Variants in SOS2 observed in about 807,000 individuals in gnomAD.
SOS2 encodes the protein son of sevenless homolog 2.
In SOS2, 65 loss-of-function variants were observed where a neutral mutation model predicts 148.2. That is an observed-to-expected ratio of 0.44 (90% confidence interval 0.36 to 0.54). SOS2 has a LOEUF of 0.54. Among genes scored for constraint, SOS2 ranks in the 20% least tolerant of loss-of-function variants. The pLI, the probability that SOS2 is intolerant of heterozygous loss-of-function variation, is 0.00. For missense variants in SOS2, 1,341 were observed against 1,590.2 expected (o/e 0.84, Z 2.67); for synonymous variants, 539 against 537.1 (o/e 1.00, Z -0.05).
chr14:50,178,613 G>A (rs1260341362), intron 7 of SOS2, among the ~76,000 whole-genome samples: 1 of 149,028 alleles, frequency 6.7e-6, no homozygotes, highest in Non-Finnish European at 1.5e-5. Context: ...CTCTGTAGTA[G>A]CTAGAACTAC....
chr14:50,179,807 A>G (rs1885672816), intron 7 of SOS2, among the ~76,000 whole-genome samples: 2 of 152,150 alleles, frequency 1.3e-5, no homozygotes, highest in African/African-American at 4.8e-5. Context: ...ATCTAAGTGT[A>G]TTCCTGAACC....
intron 1 of SOS2, among the ~76,000 whole-genome samples, chr14:50,226,218 G>A (rs1332825783): frequency 6.6e-6 from 1 of 152,166 alleles, no homozygotes; most frequent in Non-Finnish European, 1.5e-5. Context: ...CAAGGTGGGA[G>A]GATCGCTTGA....
intron 18 of SOS2, 44 bp downstream of exon 18, chr14:50,138,568 C>A: frequency 2.0e-6 from 2 of 978,548 alleles, no homozygotes; most frequent in Non-Finnish European, 1.5e-6. Context: ...TTTTGGTACC[C>A]ATTAACACGT....
chr14:50,131,291 AAC>A (rs1490095523), intron 19 of SOS2, among the ~76,000 whole-genome samples: 2 of 152,186 alleles, frequency 1.3e-5, no homozygotes, highest in African/African-American at 4.8e-5. Flanking sequence ...TCAAATAAAA[AAC>A]ACAGAACTCA....
upstream of SOS2, among the ~76,000 whole-genome samples, chr14:50,231,765 C>G (rs1421626304): frequency 1.3e-5 from 2 of 152,054 alleles, no homozygotes; most frequent in South Asian, 2.1e-4. Flanking sequence ...CCTGCCCACT[C>G]GAGTCACCTC....
chr14:50,206,207 C>A (rs1886654551), intron 1 of SOS2, among the ~76,000 whole-genome samples: 1 of 152,246 alleles, frequency 6.6e-6, no homozygotes, highest in Non-Finnish European at 1.5e-5. Context: ...ATACTTTGCT[C>A]ATTTTTGTCA....
intron 8 of SOS2, among the ~76,000 whole-genome samples, chr14:50,167,865 C>T (rs905504914): frequency 2.0e-4 from 29 of 148,310 alleles, no homozygotes; most frequent in African/African-American, 7.2e-4. Context: ...GAGACTCTGT[C>T]TCAAAAAAAA....
chr14:50,204,492 T>A, intron 1 of SOS2, 83 bp from the exon 2 acceptor site: 1 of 804,386 alleles, frequency 1.2e-6, no homozygotes, highest in South Asian at 1.8e-5. Flanking sequence ...TATATAATAT[T>A]TTACTATAAT....
In SOS2 at chr14:50,158,641, T is replaced by C. The variant is rs1884894170; in HGVS notation, c.1858A>G (p.Asn620Asp). ...RLTYHMYADP[N>D]FVRTFLTTYR... is the part of the protein sequence containing the mutation. ...GTGGTAAGAAAAGTACGAACAAAAT[T>C]GGGATCTGAAAAGGCAGAGCATAAA... The change falls in exon 11 of 23, where the codon AAT (asparagine) becomes GAT (aspartate). Residue 620 changes from asparagine (N) to aspartate (D), a missense_variant. Physicochemically the swap from Asn to Asp is conservative, Grantham distance 23. Around this residue, in one of 4 missense-constraint regions of SOS2, gnomAD observed 408 missense variants for 506.6 expected, o/e 0.81. Transcript: ENST00000216373. 1 of 1,600,794 alleles carries C rather than the reference T, an allele frequency of 6.2e-7. No individual in the cohort carries two copies.
In SOS2 at chr14:50,120,990, G is replaced by A. The variant is rs920144214; in HGVS notation, c.3380-606C>T. ...CCTGACCTTGTGATCCGCCCACCTC[G>A]GCCTCCCAAAGTGCTAGGATTACAG... On this transcript the variant is annotated intron_variant, in intron 21 of 22. Transcript: ENST00000216373. Among the ~76,000 whole-genome samples the A allele has an allele frequency of 5.9e-5, 9 of 151,982 alleles. No homozygotes were observed. The South Asian group carries it at 8.3e-4, about 14-fold the overall frequency.
chr14:50,146,469 C>T (rs1361983567), intron 14 of SOS2, among the ~76,000 whole-genome samples: 1 of 152,040 alleles, frequency 6.6e-6, no homozygotes, highest in Non-Finnish European at 1.5e-5. Flanking sequence ...CAAGGCGAAA[C>T]CCCATCTCTA....
At position 50,201,219 on chromosome 14, in the gene SOS2, TAA is replaced by T. The variant is rs1417610969; in HGVS notation, c.214-137_214-136del. 4.2e-5 allele frequency: 35 copies of T among 834,720 alleles called. No homozygotes were observed. The African/African-American group carries it at 5.7e-4, about 14-fold the overall frequency. The allele number at this position is 834,720 out of a possible 1,614,324, so 51.7% of individuals were successfully genotyped here. ...ACACAATACATTCTGATTCCTGTAA[TAA>T]ATAAATTTTTTGGCTTAAAAAAAAG... On this transcript the variant is annotated intron_variant, in intron 2 of 22. Transcript: ENST00000216373.
rs542617984 is a variant in SOS2 at position 50,182,484 on chromosome 14, G to A, written c.837C>T (p.Ser279=). Residue 279 remains serine (S), a synonymous_variant, in exon 6 of 23, where the codon AGC becomes AGT. Coordinates refer to ENST00000216373, the MANE Select transcript of SOS2 (RefSeq NM_006939.4). ...TTACTTCTGCCAAATCTTCAAAACA[G>A]CTGCCAGCTAAGGGATGAGGACTGC... ...DESSPHPLAG[S]CFEDLAEEQA... 6.6e-5 allele frequency: 106 copies of A among 1,613,926 alleles called. No homozygotes were observed. Among genetic ancestry groups the A allele is most frequent in the Admixed American group, 8.3e-5 (5 of 60,002 alleles).
Position 50,138,670 on chromosome 14 carries a change from C to T in SOS2, c.2900G>A (p.Gly967Glu). Reference protein sequence around the residue: ...SKRRKVAEITGEIQQYQNQPY... With the variant: ...SKRRKVAEITEEIQQYQNQPY... ...CTGATTCTGATACTGCTGAATTTCT[C>T]CAGTAATTTCAGCTACTTTCCTCCT... The change falls in exon 18 of 23, where the codon GGA (glycine) becomes GAA (glutamate). Residue 967 changes from glycine to glutamate, a missense_variant. By Grantham distance (98) the Gly-to-Glu change is moderately conservative (BLOSUM62 -2). Around this residue, in one of 4 missense-constraint regions of SOS2, gnomAD observed 408 missense variants for 506.6 expected, o/e 0.81. Coordinates refer to ENST00000216373, the MANE Select transcript of SOS2 (RefSeq NM_006939.4). 1 of 1,574,960 alleles carries T rather than the reference C, an allele frequency of 6.3e-7. No homozygotes were observed. The highest frequency in any genetic ancestry group is 8.7e-7 in the Non-Finnish European group (1 of 1,155,772).
At chr14:50,206,595 C>T (rs748097791) in intron 1 of SOS2, among the ~76,000 whole-genome samples, 6 of 152,188 alleles carry the variant, frequency 3.9e-5, no homozygotes, top group Non-Finnish European at 7.3e-5. Context: ...TTCCCAAATA[C>T]TGTTGATCTG....
At chr14:50,172,409 T>C (rs1214282608) in intron 8 of SOS2, among the ~76,000 whole-genome samples, 2 of 124,530 alleles carry the variant, frequency 1.6e-5, no homozygotes, top group Non-Finnish European at 3.4e-5. Flanking sequence ...TAGTTTCTCT[T>C]TATTCATTCC....
At chr14:50,184,560 A>C (rs192918330) in intron 5 of SOS2, among the ~76,000 whole-genome samples, 3 of 152,228 alleles carry the variant, frequency 2.0e-5, no homozygotes, top group Middle Eastern at 3.4e-3. Context: ...AGATGATTAG[A>C]GGATTGAAGG....
intron 19 of SOS2, among the ~76,000 whole-genome samples, chr14:50,131,459 T>C (rs1883862764): frequency 6.6e-6 from 1 of 152,202 alleles, no homozygotes; most frequent in Non-Finnish European, 1.5e-5. Context: ...AAATGTCTAT[T>C]ATGAAATAAC....
chr14:50,173,444 C>T lies in SOS2; in HGVS notation c.1068+1010G>A, dbSNP rs570418197. Among the ~76,000 whole-genome samples, 19 of 151,564 alleles carry T rather than the reference C, an allele frequency of 1.3e-4. No homozygotes were observed. The East Asian group carries it at 1.7e-3, about 14-fold the overall frequency. On this transcript the variant is annotated intron_variant, in intron 8 of 22. Coordinates refer to ENST00000216373, the MANE Select transcript of SOS2 (RefSeq NM_006939.4). ...AGCTTTTTTTTTTATTTTTTTGAGA[C>T]GGAGTCTCGCTCTGTCGCCCAGGCT...
Sources: allele counts gnomAD v4.1 joint callset (sites outside exome capture counted in the v4.1 genomes callset), GRCh38; gene constraint gnomAD v4.1.1; regional missense constraint gnomAD v4.1.1; transcripts MANE v1.5; gene names NCBI Gene and HGNC (gene_info 2026-07-23, HGNC 2026-07-21).